The following SPATA16 variants were observed in gnomAD, a reference collection of about 807,000 sequenced individuals.
The protein encoded by SPATA16 is spermatogenesis-associated protein 16.
Under a neutral mutation model 63.3 loss-of-function variants are expected in SPATA16, and 36 were observed. The ratio of observed to expected loss-of-function variants is 0.57; its 90% CI spans 0.44 to 0.75. The LOEUF (loss-of-function observed/expected upper bound fraction) is 0.75. Among genes scored for constraint, SPATA16 ranks in the 30% least tolerant of loss-of-function variants. The pLI is 0.00. For synonymous variants in SPATA16, 203 were observed against 216.7 expected (o/e 0.94, Z 0.56); for missense variants, 646 against 679.3 (o/e 0.95, Z 0.54).
intron 1 of SPATA16, among the ~76,000 whole-genome samples, chr3:173,126,711 A>C (rs946844509): frequency 6.6e-6 from 1 of 152,228 alleles, no homozygotes; most frequent in Non-Finnish European, 1.5e-5. Context: ...TTTATTTTGC[A>C]GAAGAAGTAA....
At chr3:172,997,458 A>AT (rs994484791) in intron 4 of SPATA16, among the ~76,000 whole-genome samples, 43 of 150,840 alleles carry the variant, frequency 2.9e-4, no homozygotes, top group African/African-American at 4.6e-4. Flanking sequence ...TTAAAATTAT[A>AT]TTTTTTTTTA....
At chr3:173,034,851 T>G (rs1735679674) in intron 3 of SPATA16, among the ~76,000 whole-genome samples, 1 of 152,156 alleles carries the variant, frequency 6.6e-6, no homozygotes, top group Non-Finnish European at 1.5e-5. Flanking sequence ...ATTAAGGAAA[T>G]CTACTAATTA....
chr3:173,105,429 T>C (rs1404151684), intron 2 of SPATA16, among the ~76,000 whole-genome samples: 2 of 152,224 alleles, frequency 1.3e-5, no homozygotes, highest in Admixed American at 6.5e-5. Flanking sequence ...ACTCTGTAAC[T>C]AGCAATTTCC....
intron 4 of SPATA16, among the ~76,000 whole-genome samples, chr3:173,008,215 A>G (rs1421508708): frequency 6.6e-6 from 1 of 152,148 alleles, no homozygotes; most frequent in East Asian, 1.9e-4. Context: ...GTTATTTACC[A>G]GCTGATGAGT....
intron 4 of SPATA16, among the ~76,000 whole-genome samples, chr3:172,993,087 C>G (rs1453171203): frequency 6.6e-6 from 1 of 151,958 alleles, no homozygotes; most frequent in Non-Finnish European, 1.5e-5. Flanking sequence ...GGGCTTATCC[C>G]CAGTTCCTTG....
At chr3:172,931,995 A>G (rs1362389518) in intron 6 of SPATA16, among the ~76,000 whole-genome samples, 2 of 152,220 alleles carry the variant, frequency 1.3e-5, no homozygotes, top group Non-Finnish European at 2.9e-5. Context: ...AGTGCAACCA[A>G]TGGCAGCATC....
chr3:173,016,292 T>G (rs1387063180), intron 4 of SPATA16, among the ~76,000 whole-genome samples: 1 of 152,118 alleles, frequency 6.6e-6, no homozygotes, highest in Non-Finnish European at 1.5e-5. Context: ...ACCTGATATC[T>G]TCCCTCCAAC....
At chr3:172,994,894 TAA>T (rs1170101687) in intron 4 of SPATA16, among the ~76,000 whole-genome samples, 1 of 152,152 alleles carries the variant, frequency 6.6e-6, no homozygotes, top group Non-Finnish European at 1.5e-5. Context: ...ACTTGAGAGT[TAA>T]GTTTTTGAGA....
chr3:172,931,912 C>T (rs886317039), intron 6 of SPATA16, among the ~76,000 whole-genome samples: 8 of 152,124 alleles, frequency 5.3e-5, no homozygotes, highest in African/African-American at 1.9e-4. Flanking sequence ...TTATAGTTGG[C>T]TTGCTGCAGC....
In SPATA16 at chr3:173,027,993, C is replaced by CCCTT. The variant is rs1330848189; in HGVS notation, c.759-8419_759-8418insAAGG. Among the ~76,000 whole-genome samples the CCCTT allele has an allele frequency of 1.0e-4, 6 of 58,536 alleles. 1 individual carries two copies. Among genetic ancestry groups the CCCTT allele is most frequent in the African/African-American group, 4.7e-4 (6 of 12,876 alleles). The allele number at this position is 58,536 out of a possible 152,430, so 38.4% of individuals were successfully genotyped here. A position where few individuals can be genotyped will look rare whatever the true frequency, so the allele number is the denominator to read the frequency against. On this transcript the variant is annotated intron_variant, in intron 3 of 10. Transcript: ENST00000351008. ...ATTTTTTCTCCCTCCCTCCCTCCCT[C>CCCTT]CCTCCCTCCCTCCCTCCCTCCCTTC...
chr3:172,890,121 T>A (rs1206873201), intron 10 of SPATA16, among the ~76,000 whole-genome samples: 1 of 152,196 alleles, frequency 6.6e-6, no homozygotes, highest in African/African-American at 2.4e-5. Flanking sequence ...GATTCTAGCA[T>A]TTAGATGCTC....
intron 6 of SPATA16, among the ~76,000 whole-genome samples, chr3:172,929,285 A>G (rs1732812323): frequency 6.6e-6 from 1 of 152,218 alleles, no homozygotes. Context: ...TACCATTAGC[A>G]AAGTGGATGC....
chr3:172,923,680 G>A (rs1732664451), intron 8 of SPATA16, among the ~76,000 whole-genome samples: 1 of 152,104 alleles, frequency 6.6e-6, no homozygotes, highest in African/African-American at 2.4e-5. Context: ...CTGAAAAGTA[G>A]AAAAGGCATA....
chr3:173,103,942 C>T (rs927405965), intron 2 of SPATA16, among the ~76,000 whole-genome samples: 1 of 152,192 alleles, frequency 6.6e-6, no homozygotes, highest in African/African-American at 2.4e-5. Flanking sequence ...TCTGCTCCTG[C>T]ATCTGACTAC....
chr3:173,093,014 T>G (rs989800212), intron 2 of SPATA16, among the ~76,000 whole-genome samples: 2 of 150,454 alleles, frequency 1.3e-5, no homozygotes, highest in Non-Finnish European at 3.0e-5. Context: ...TAAAATACAG[T>G]TTTATTGTAA....
chr3:172,956,771 T>C lies in SPATA16; in HGVS notation c.987A>G (p.Thr329=). 1 of 1,613,454 alleles carries C rather than the reference T, an allele frequency of 6.2e-7. No individual in the cohort carries two copies. Among genetic ancestry groups the C allele is most frequent in the Non-Finnish European group, 8.5e-7 (1 of 1,179,598 alleles). ...TRAESFSVMY[T]PFATKIRADK... ...CAGCTCTTATTTTTGTCGCAAATGG[T>C]GTGTACATAACCGAGAAAGATTCAG... The change falls in exon 6 of 11, where the codon ACA becomes ACG. Residue 329 remains threonine, a synonymous_variant. Coordinates refer to ENST00000351008, the MANE Select transcript of SPATA16 (RefSeq NM_031955.6).
At chr3:173,016,498 G>C (rs1204616616) in intron 4 of SPATA16, among the ~76,000 whole-genome samples, 1 of 152,174 alleles carries the variant, frequency 6.6e-6, no homozygotes, top group African/African-American at 2.4e-5. Flanking sequence ...GATATGGGCT[G>C]ATGCATTTCC....
At chr3:173,030,862 A>C (rs1735588049) in intron 3 of SPATA16, among the ~76,000 whole-genome samples, 1 of 152,082 alleles carries the variant, frequency 6.6e-6, no homozygotes, top group African/African-American at 2.4e-5. Context: ...TTAACAAAAC[A>C]TGGTATCTAA....
At chr3:173,046,515 A>G (rs927534259) in intron 3 of SPATA16, among the ~76,000 whole-genome samples, 2 of 152,026 alleles carry the variant, frequency 1.3e-5, no homozygotes, top group African/African-American at 4.8e-5. Context: ...TTGTGTTAAC[A>G]AGTCTCCTAA....
Sources: gnomAD v4.1 joint callset for allele counts (sites outside exome capture counted in the v4.1 genomes callset) on GRCh38, gnomAD v4.1.1 for gene constraint, MANE v1.5 for transcripts, NCBI Gene and HGNC (gene_info 2026-07-23, HGNC 2026-07-21) for gene names.